The following ITGA8 variants were observed in gnomAD, a reference collection of about 807,000 sequenced individuals.
ITGA8 encodes integrin subunit alpha 8.
In ITGA8, 91 loss-of-function variants were observed where a neutral mutation model predicts 142.3. That is an observed-to-expected ratio of 0.64 (90% CI 0.54 to 0.76). ITGA8 has a LOEUF of 0.76. Ranked by LOEUF, ITGA8 falls within the 30% of genes least tolerant of loss-of-function variation. The pLI is 0.00. For missense variants in ITGA8, 1,406 were observed against 1,327.7 expected (o/e 1.06, Z -0.92); for synonymous variants, 505 against 485.2 (o/e 1.04, Z -0.54).
chr10:15,567,482 G>A (rs983751172), intron 25 of ITGA8, among the ~76,000 whole-genome samples: 3 of 152,130 alleles, frequency 2.0e-5, no homozygotes, highest in Non-Finnish European at 2.9e-5. Flanking sequence ...TAGATGGTAC[G>A]ATGTGAATAA....
chr10:15,669,571 T>G (rs866477718), intron 8 of ITGA8, among the ~76,000 whole-genome samples: 7 of 152,252 alleles, frequency 4.6e-5, no homozygotes, highest in Admixed American at 2.0e-4. Context: ...AGAGGCTGCG[T>G]TCCTTTGGAG....
intron 2 of ITGA8, among the ~76,000 whole-genome samples, chr10:15,696,861 CAAAAAAAAAA>C (rs750418009): frequency 1.9e-5 from 1 of 52,564 alleles, no homozygotes; most frequent in African/African-American, 6.3e-5. Flanking sequence ...TAACTCTTAC[CAAAAAAAAAA>C]AAAAAAAAAA....
At chr10:15,664,290 C>A (rs1385349801) in intron 8 of ITGA8, among the ~76,000 whole-genome samples, 1 of 152,124 alleles carries the variant, frequency 6.6e-6, no homozygotes. Context: ...AATATACTGC[C>A]TTTTAATACC....
intron 13 of ITGA8, among the ~76,000 whole-genome samples, chr10:15,617,485 A>C (rs559385659): frequency 2.6e-5 from 4 of 151,150 alleles, no homozygotes; most frequent in African/African-American, 9.7e-5. Context: ...TGAAACCTCC[A>C]TCTTCAGGGT....
In ITGA8 at chr10:15,669,187, G is replaced by C. The variant is rs1288866583; in HGVS notation, c.847+2416C>G. Among the ~76,000 whole-genome samples the C allele has an allele frequency of 4.6e-5, 7 of 152,220 alleles. No homozygotes were observed. In the East Asian group the frequency reaches 1.2e-3, roughly 25 times the overall value. On this transcript the variant is annotated intron_variant, in intron 8 of 29. Transcript: ENST00000378076. ...GATGTAGATTTGGTCTTTTCACATA[G>C]TCCCATATTTCTTGGAGGCTTTGTT...
intron 25 of ITGA8, among the ~76,000 whole-genome samples, chr10:15,562,100 C>T (rs1833994704): frequency 6.6e-6 from 1 of 152,254 alleles, no homozygotes; most frequent in East Asian, 1.9e-4. Flanking sequence ...TTGACACATG[C>T]GGATTATGGG....
At chr10:15,534,790 G>A (rs1833385327) in intron 27 of ITGA8, among the ~76,000 whole-genome samples, 1 of 152,190 alleles carries the variant, frequency 6.6e-6, no homozygotes, top group Non-Finnish European at 1.5e-5. Context: ...ATAATAGTGA[G>A]AGGTGACAGC....
At chr10:15,597,102 G>A in intron 21 of ITGA8, 105 bp downstream of exon 21, 1 of 816,794 alleles carries the variant, frequency 1.2e-6, no homozygotes, top group Non-Finnish European at 2.1e-6. Flanking sequence ...ATTTGTTGTT[G>A]CTGCTAGGTG....
intron 2 of ITGA8, among the ~76,000 whole-genome samples, chr10:15,702,878 A>G (rs1165058769): frequency 6.6e-6 from 1 of 152,198 alleles, no homozygotes; most frequent in East Asian, 1.9e-4. Flanking sequence ...TGTATAGAGA[A>G]CTGTATAAGG....
intron 22 of ITGA8, among the ~76,000 whole-genome samples, chr10:15,590,048 C>T (rs180675079): frequency 1.4e-4 from 21 of 152,342 alleles, no homozygotes; most frequent in Non-Finnish European, 2.8e-4. Flanking sequence ...CAGGCGTGAG[C>T]CACTGTGCCC....
intron 10 of ITGA8, among the ~76,000 whole-genome samples, chr10:15,656,936 C>G (rs911850739): frequency 6.6e-6 from 1 of 152,104 alleles, no homozygotes; most frequent in Non-Finnish European, 1.5e-5. Flanking sequence ...AGTGTCTGGA[C>G]CAAAGTAGGT....
intron 11 of ITGA8, among the ~76,000 whole-genome samples, chr10:15,653,654 A>G (rs1057484132): frequency 2.0e-5 from 3 of 152,136 alleles, no homozygotes; most frequent in African/African-American, 7.2e-5. Flanking sequence ...TCACCTGTTC[A>G]TAACTCCCTC....
chr10:15,613,712 T>G lies in ITGA8; in HGVS notation c.1501A>C (p.Asn501His). The G allele has an allele frequency of 7.4e-6, 12 of 1,614,152 alleles. No homozygotes were observed. Among genetic ancestry groups the G allele is most frequent in the Non-Finnish European group, 1.0e-5 (12 of 1,179,994 alleles). ...AQLLLHPMII[N>H]LENKTCQVPD... ...ACCTGGCAAGTTTTATTTTCAAGAT[T>G]GATAATCATTGGGTGCAGCAGAAGC... Residue 501 changes from asparagine (N) to histidine (H), a missense_variant, in exon 15 of 30, where the codon AAT becomes CAT. Coordinates refer to ENST00000378076, the MANE Select transcript of ITGA8 (RefSeq NM_003638.3).
chr10:15,648,815 TC>T (rs1303147963), intron 11 of ITGA8, among the ~76,000 whole-genome samples: 1 of 152,226 alleles, frequency 6.6e-6, no homozygotes, highest in African/African-American at 2.4e-5. Context: ...CCTGTGTACT[TC>T]CTATGTTTAA....
At chr10:15,702,558 T>C (rs1174045130) in intron 2 of ITGA8, among the ~76,000 whole-genome samples, 2 of 152,184 alleles carry the variant, frequency 1.3e-5, no homozygotes, top group Non-Finnish European at 2.9e-5. Context: ...CCCAAAGTGC[T>C]GGGATTATAG....
chr10:15,713,768 C>T (rs997883267), intron 2 of ITGA8, among the ~76,000 whole-genome samples: 2 of 152,214 alleles, frequency 1.3e-5, no homozygotes, highest in Non-Finnish European at 2.9e-5. Context: ...CAAAGGCTTC[C>T]GGTCTCCCGC....
At chr10:15,594,717 G>A (rs542577908) in intron 21 of ITGA8, among the ~76,000 whole-genome samples, 2 of 152,284 alleles carry the variant, frequency 1.3e-5, no homozygotes, top group East Asian at 1.9e-4. Flanking sequence ...GGGAGGTGGA[G>A]GTTGCAGTGA....
intron 13 of ITGA8, among the ~76,000 whole-genome samples, chr10:15,634,008 C>T (rs1833728215): frequency 6.6e-6 from 1 of 152,160 alleles, no homozygotes; most frequent in South Asian, 2.1e-4. Context: ...CAAGAACACA[C>T]TTGACACATG....
intron 13 of ITGA8, among the ~76,000 whole-genome samples, chr10:15,639,249 C>A (rs562708166): frequency 6.6e-6 from 1 of 152,254 alleles, no homozygotes; most frequent in African/African-American, 2.4e-5. Flanking sequence ...GTTTGACACC[C>A]TTGTAAAGAA....
Sources: gnomAD v4.1 joint callset for allele counts (sites outside exome capture counted in the v4.1 genomes callset) on GRCh38, gnomAD v4.1.1 for gene constraint, MANE v1.5 for transcripts, NCBI Gene and HGNC (gene_info 2026-07-23, HGNC 2026-07-21) for gene names.